Variants in LRRC4C observed in about 807,000 individuals in gnomAD.
The protein encoded by LRRC4C is leucine rich repeat containing 4C, also known as leucine-rich repeat-containing protein 4C.
In LRRC4C, 5 loss-of-function variants were observed where a neutral mutation model predicts 33.6. The ratio of observed to expected loss-of-function variants is 0.15; its 90% confidence interval spans 0.08 to 0.31. The LOEUF (loss-of-function observed/expected upper bound fraction) is 0.31, where lower values mean the gene tolerates loss of function less well. Among genes scored for constraint, LRRC4C ranks in the 10% least tolerant of loss-of-function variants. The pLI, the probability that LRRC4C is intolerant of heterozygous loss-of-function variation, is 1.00. For missense variants in LRRC4C, 560 were observed against 796.7 expected (o/e 0.70, Z 3.58); for synonymous variants, 329 against 302.0 (o/e 1.09, Z -0.93).
At chr11:41,350,765 AC>A (rs1239282111) in intron 1 of LRRC4C, among the ~76,000 whole-genome samples, 1 of 152,202 alleles carries the variant, frequency 6.6e-6, no homozygotes, top group Non-Finnish European at 1.5e-5. Flanking sequence ...ACATCAGAAG[AC>A]AAAATGACCA....
At chr11:41,281,447 T>A (rs1354421261) in intron 1 of LRRC4C, among the ~76,000 whole-genome samples, 1 of 152,052 alleles carries the variant, frequency 6.6e-6, no homozygotes, top group African/African-American at 2.4e-5. Context: ...GGGCAGAACA[T>A]CAAATAGGGC....
intron 1 of LRRC4C, among the ~76,000 whole-genome samples, chr11:40,995,027 T>A (rs991518235): frequency 6.6e-6 from 1 of 152,124 alleles, no homozygotes; most frequent in Non-Finnish European, 1.5e-5. Context: ...AATATACCTA[T>A]GATTTGGAAG....
chr11:41,319,405 G>A (rs561193903), intron 1 of LRRC4C, among the ~76,000 whole-genome samples: 143 of 152,212 alleles, frequency 9.4e-4, no homozygotes, highest in Non-Finnish European at 1.6e-3. Context: ...GACTTTAAAG[G>A]CTCTTCTAGG....
intron 2 of LRRC4C, among the ~76,000 whole-genome samples, chr11:40,810,936 A>G (rs752138474): frequency 2.0e-5 from 3 of 152,282 alleles, no homozygotes; most frequent in South Asian, 4.1e-4. Context: ...AAGTTTTCCA[A>G]TGTCTTCCAG....
At chr11:40,196,643 T>A (rs1049389779) in intron 5 of LRRC4C, among the ~76,000 whole-genome samples, 36 of 152,214 alleles carry the variant, frequency 2.4e-4, no homozygotes, top group Admixed American at 2.1e-3. Flanking sequence ...ATTGAGTACA[T>A]TTCTCATTGG....
intron 3 of LRRC4C, among the ~76,000 whole-genome samples, chr11:40,408,191 G>A (rs541981065): frequency 4.2e-4 from 64 of 152,018 alleles, no homozygotes; most frequent in African/African-American, 1.4e-3. Flanking sequence ...CTAGAAGTCC[G>A]AAACTATACT....
intron 3 of LRRC4C, among the ~76,000 whole-genome samples, chr11:40,464,257 A>C (rs1019746449): frequency 6.6e-6 from 1 of 152,086 alleles, no homozygotes; most frequent in African/African-American, 2.4e-5. Flanking sequence ...GATGAGGAAA[A>C]AAATTGATAA....
At chr11:40,296,333 A>G (rs574170621) in intron 4 of LRRC4C, among the ~76,000 whole-genome samples, 189 of 152,288 alleles carry the variant, frequency 1.2e-3, no homozygotes, top group African/African-American at 4.3e-3. Context: ...TCCATATGGC[A>G]TGGTTTTTTG....
intron 2 of LRRC4C, among the ~76,000 whole-genome samples, chr11:40,655,241 T>C (rs887140628): frequency 2.0e-5 from 3 of 152,202 alleles, no homozygotes; most frequent in Non-Finnish European, 4.4e-5. Context: ...ATTAATCTCA[T>C]ACTTAAGTAA....
At chr11:40,589,192 T>C (rs573481241) in intron 3 of LRRC4C, among the ~76,000 whole-genome samples, 2 of 152,194 alleles carry the variant, frequency 1.3e-5, no homozygotes, top group East Asian at 3.9e-4. Context: ...TTAGGATAGT[T>C]AGCTCTTCTT....
chr11:40,588,958 T>C (rs1357343232), intron 3 of LRRC4C, among the ~76,000 whole-genome samples: 1 of 152,142 alleles, frequency 6.6e-6, no homozygotes, highest in African/African-American at 2.4e-5. Context: ...ATTCTGTTGA[T>C]TTGGGGTGGA....
chr11:40,691,831 A>G (rs1363752878), intron 2 of LRRC4C, among the ~76,000 whole-genome samples: 3 of 152,216 alleles, frequency 2.0e-5, no homozygotes, highest in East Asian at 1.9e-4. Context: ...TTTCTTACCC[A>G]AGAGGGTGAT....
chr11:40,122,644 G>A (rs759423278), intron 6 of LRRC4C, among the ~76,000 whole-genome samples: 4 of 152,054 alleles, frequency 2.6e-5, no homozygotes, highest in African/African-American at 4.8e-5. Context: ...AATAAAGTCA[G>A]CTCTGCTTTA....
chr11:41,089,523 A>G (rs1044118954), intron 1 of LRRC4C, among the ~76,000 whole-genome samples: 2 of 152,074 alleles, frequency 1.3e-5, no homozygotes, highest in Non-Finnish European at 2.9e-5. Context: ...GCCAGTTTTC[A>G]TAGGATCATT....
intron 5 of LRRC4C, among the ~76,000 whole-genome samples, chr11:40,149,307 C>A (rs1197710471): frequency 1.3e-5 from 2 of 152,108 alleles, no homozygotes; most frequent in African/African-American, 2.4e-5. Context: ...AATGATTCTT[C>A]CTGTTCATGA....
chr11:40,127,459 G>T (rs1205444332), intron 6 of LRRC4C, among the ~76,000 whole-genome samples: 1 of 152,022 alleles, frequency 6.6e-6, no homozygotes. Flanking sequence ...CACTATAGAA[G>T]TTAGTTAAAC....
At chr11:40,331,053 T>C (rs886470096) in intron 3 of LRRC4C, among the ~76,000 whole-genome samples, 3 of 152,174 alleles carry the variant, frequency 2.0e-5, no homozygotes, top group African/African-American at 7.2e-5. Context: ...AGCTTTCATA[T>C]ATGAGTGAGA....
At position 41,398,618 on chromosome 11, in the gene LRRC4C, A is replaced by G. The variant is rs541080033; in HGVS notation, c.-496+60813T>C. Among the ~76,000 whole-genome samples the G allele has an allele frequency of 3.9e-5, 6 of 152,022 alleles. No homozygotes were observed. In the South Asian group the frequency reaches 1.2e-3, roughly 31 times the overall value. ...GCCACTTTATGTAAGACAGCTTCCT[A>G]GTTTGATCTTGATTTCAATTCTTCC... On this transcript the variant is annotated intron_variant, in intron 1 of 6. Coordinates refer to ENST00000528697, the MANE Select transcript of LRRC4C (RefSeq NM_001258419.2).
chr11:40,809,709 T>C (rs986199208), intron 2 of LRRC4C, among the ~76,000 whole-genome samples: 1 of 152,196 alleles, frequency 6.6e-6, no homozygotes, highest in African/African-American at 2.4e-5. Context: ...CAACTGTATA[T>C]TTTGAATAAA....
Sources: gnomAD v4.1 joint callset for allele counts (sites outside exome capture counted in the v4.1 genomes callset) on GRCh38, gnomAD v4.1.1 for gene constraint, MANE v1.5 for transcripts, NCBI Gene and HGNC (gene_info 2026-07-23, HGNC 2026-07-21) for gene names.